The following CDCA5 variants were observed in gnomAD, a reference collection of about 807,000 sequenced individuals.
The protein encoded by CDCA5 is cell division cycle associated 5.
A neutral mutation model predicts 25.7 loss-of-function variants in CDCA5; 14 were observed. The ratio of observed to expected loss-of-function variants is 0.54; its 90% CI spans 0.36 to 0.85. The LOEUF (loss-of-function observed/expected upper bound fraction) is 0.85. CDCA5 is among the 40% of genes least tolerant of loss of function. The probability of loss-of-function intolerance (pLI) is 0.01; values close to 1 mark genes in which losing one functional copy is unlikely to be tolerated. For missense variants in CDCA5, 307 were observed against 324.5 expected, an observed-to-expected ratio of 0.95 and a Z score of 0.41; for synonymous variants, 127 against 128.7, an observed-to-expected ratio of 0.99 and a Z score of 0.09.
downstream of CDCA5, among the ~76,000 whole-genome samples, chr11:65,074,766 T>C (rs1484840923): frequency 7.6e-6 from 1 of 131,878 alleles, no homozygotes; most frequent in Non-Finnish European, 1.6e-5. Context: ...AAAAAAAAAA[T>C]TGGCAGGGGT....
intron 4 of CDCA5, 155 bp downstream of exon 4, chr11:65,083,209 A>G: frequency 1.3e-6 from 1 of 768,834 alleles, no homozygotes; most frequent in South Asian, 1.6e-5. Flanking sequence ...TTCAGGGAGT[A>G]ATCAAGACTG....
intron 1 of CDCA5, among the ~76,000 whole-genome samples, chr11:65,071,757 GT>G (rs1238415613): frequency 6.6e-6 from 1 of 152,192 alleles, no homozygotes; most frequent in Non-Finnish European, 1.5e-5. Flanking sequence ...TTACCAGTTG[GT>G]ACGTGAGGAG....
intron 5 of CDCA5, chr11:65,066,802 C>T: frequency 7.8e-7 from 1 of 1,289,356 alleles, no homozygotes; most frequent in African/African-American, 1.5e-5. Flanking sequence ...GGTCCTGGCT[C>T]AGGGTCTTAC....
At chr11:65,069,783 T>G (rs1947305779) in intron 1 of CDCA5, among the ~76,000 whole-genome samples, 1 of 152,276 alleles carries the variant, frequency 6.6e-6, no homozygotes, top group African/African-American at 2.4e-5. Flanking sequence ...CAAAGACTTC[T>G]TCACATGGTA....
chr11:65,079,257 CCTGCAGGTG>C, intron 5 of CDCA5, 70 bp from the exon 6 acceptor site: 1 of 1,600,874 alleles, frequency 6.2e-7, no homozygotes, highest in Non-Finnish European at 8.5e-7. Flanking sequence ...TCACCCACAC[CCTGCAGGTG>C]CTGCCTATCC....
rs1446889797 is a variant in CDCA5, at chr11:65,078,289, G to A, written c.*818C>T. The A allele has an allele frequency of 3.0e-6, 3 of 985,314 alleles. No individual in the cohort carries two copies. Among genetic ancestry groups the A allele is most frequent in the African/African-American group, 3.5e-5 (2 of 57,182 alleles). The allele number at this position is 985,314 out of a possible 1,614,324, so 61.0% of individuals were successfully genotyped here. ...TGCAGCAGAGTGGTAAGACTCCAGCGTGGGCCCTGTGCAAGGGACCAGCCC... is the reference window on the plus strand; with the variant it reads ...TGCAGCAGAGTGGTAAGACTCCAGCATGGGCCCTGTGCAAGGGACCAGCCC... On this transcript the variant is annotated 3_prime_UTR_variant, in exon 6 of 6. Transcript: ENST00000275517.
chr11:65,062,931 T>C (rs1947199180), downstream of CDCA5, among the ~76,000 whole-genome samples: 1 of 152,176 alleles, frequency 6.6e-6, no homozygotes, highest in African/African-American at 2.4e-5. Context: ...CATCTTTGTT[T>C]TATTCACTGC....
chr11:65,067,813 G>T, intron 3 of CDCA5: 1 of 1,062,508 alleles, frequency 9.4e-7, no homozygotes, highest in South Asian at 1.3e-5. Flanking sequence ...GGAAGTGGGT[G>T]GGTGGTGTGG....
At chr11:65,072,964 G>C (rs1330288007), downstream of CDCA5, among the ~76,000 whole-genome samples, 1 of 104,834 alleles carries the variant, frequency 9.5e-6, no homozygotes, top group Non-Finnish European at 1.8e-5. Flanking sequence ...TTTTTTTTGA[G>C]ATGGAGTTTC....
chr11:65,083,153 A>T, intron 4 of CDCA5: 1 of 590,880 alleles, frequency 1.7e-6, no homozygotes, highest in East Asian at 2.8e-5. Context: ...AGTTCCAGGA[A>T]AATGGTAGAA....
At chr11:65,070,816 T>C (rs1408327127) in intron 1 of CDCA5, among the ~76,000 whole-genome samples, 1 of 152,218 alleles carries the variant, frequency 6.6e-6, no homozygotes, top group Non-Finnish European at 1.5e-5. Context: ...AATGCCTATC[T>C]AGAAGTGTTT....
At position 65,077,580 on chromosome 11, in the gene CDCA5, G is replaced by A. The variant is rs979317584; in HGVS notation, c.*1527C>T. On this transcript the variant is annotated 3_prime_UTR_variant, in exon 6 of 6. Coordinates refer to ENST00000275517, the MANE Select transcript of CDCA5 (RefSeq NM_080668.4). Reference sequence around the variant, plus strand: ...GATGATCTCAACTCTGCATCATCTGGTGACTCCTGATTCTGCAGGACTAAG... The same window carrying A: ...GATGATCTCAACTCTGCATCATCTGATGACTCCTGATTCTGCAGGACTAAG... 2.0e-6 allele frequency: 2 copies of A among 985,428 alleles called. No homozygotes were observed. Among genetic ancestry groups the A allele is most frequent in the Non-Finnish European group, 1.2e-6 (1 of 829,924 alleles). 61.0% of individuals were successfully genotyped at this position (985,428 alleles called of 1,614,324 possible). A position where few individuals can be genotyped will look rare whatever the true frequency, so the allele number is the denominator to read the frequency against.
chr11:65,080,487 C>T (rs907358937), intron 4 of CDCA5, among the ~76,000 whole-genome samples: 6 of 152,150 alleles, frequency 3.9e-5, no homozygotes, highest in African/African-American at 1.4e-4. Context: ...GATCATGGCT[C>T]ACTGAAGCCT....
At position 65,083,565 on chromosome 11, in the gene CDCA5, T is replaced by C. The variant is rs745697684; in HGVS notation, c.142-15A>G. ...GCACTGGGTGTCTGGAGAAGAGGGATGAACGTGAGCTCAACATTAGGTGAG... is the reference window on the plus strand; with the variant it reads ...GCACTGGGTGTCTGGAGAAGAGGGACGAACGTGAGCTCAACATTAGGTGAG... On this transcript the variant is annotated splice_polypyrimidine_tract_variant and intron_variant, in intron 2 of 5. Coordinates refer to ENST00000275517, the MANE Select transcript of CDCA5 (RefSeq NM_080668.4). 9.3e-6 allele frequency: 15 copies of C among 1,613,998 alleles called. No homozygotes were observed. The highest frequency in any genetic ancestry group is 1.6e-4 in the Middle Eastern group (1 of 6,084).
chr11:65,083,536 A>C lies in CDCA5; in HGVS notation c.156T>G (p.Ala52=), dbSNP rs1279294210. Residue 52 remains alanine, a synonymous_variant, in exon 3 of 6, where the codon GCT becomes GCG. Coordinates refer to ENST00000275517, the MANE Select transcript of CDCA5 (RefSeq NM_080668.4). The part of the protein sequence containing the change: ...PEIWPKTPSA[A]AVRKPIVLKR... Reference sequence around the variant, plus strand: ...TTAAGACGATGGGCTTTCTGACTGCAGCCGCACTGGGTGTCTGGAGAAGAG... The same window carrying C: ...TTAAGACGATGGGCTTTCTGACTGCCGCCGCACTGGGTGTCTGGAGAAGAG... 1.2e-6 allele frequency: 2 copies of C among 1,614,084 alleles called. No homozygotes were observed. The highest frequency in any genetic ancestry group is 1.7e-6 in the Non-Finnish European group (2 of 1,180,028).
chr11:65,073,106 G>A (rs998739295), downstream of CDCA5, among the ~76,000 whole-genome samples: 2 of 151,540 alleles, frequency 1.3e-5, no homozygotes, highest in African/African-American at 2.4e-5. Context: ...CACCATGCCC[G>A]GCTAATTTTT....
downstream of CDCA5, among the ~76,000 whole-genome samples, chr11:65,075,159 G>C (rs967134768): frequency 1.3e-5 from 2 of 151,974 alleles, no homozygotes; most frequent in African/African-American, 4.8e-5. Flanking sequence ...CACTTTGGGA[G>C]GCTGAGTTGG....
chr11:65,068,125 A>G, intron 2 of CDCA5: 1 of 1,288,330 alleles, frequency 7.8e-7, no homozygotes, highest in Non-Finnish European at 1.0e-6. Context: ...GTGGCTTTGC[A>G]GAGAAAGCGC....
At chr11:65,083,853 G>C in intron 1 of CDCA5, 80 bp downstream of exon 1, 1 of 1,593,854 alleles carries the variant, frequency 6.3e-7, no homozygotes, top group Non-Finnish European at 8.6e-7. Flanking sequence ...CGGCGGCAGC[G>C]GGAGGGAAGA....
Sources: gnomAD v4.1 joint callset for allele counts (sites outside exome capture counted in the v4.1 genomes callset) on GRCh38, gnomAD v4.1.1 for gene constraint, MANE v1.5 for transcripts, NCBI Gene and HGNC (gene_info 2026-07-23, HGNC 2026-07-21) for gene names.